The following ADGRL2 variants were observed in gnomAD, a reference collection of about 807,000 sequenced individuals.
The protein encoded by ADGRL2 is adhesion G protein-coupled receptor L2.
In ADGRL2, 44 loss-of-function variants were observed where a neutral mutation model predicts 157.4. The ratio of observed to expected loss-of-function variants is 0.28; its 90% CI spans 0.22 to 0.36. ADGRL2 has a LOEUF of 0.36. Ranked by LOEUF, ADGRL2 falls within the 10% of genes least tolerant of loss-of-function variation. The pLI is 1.00. For synonymous variants in ADGRL2, 585 were observed against 624.7 expected, an observed-to-expected ratio of 0.94 and a Z score of 0.95; for missense variants, 1,510 against 1,768.9, an observed-to-expected ratio of 0.85 and a Z score of 2.63.
intron 1 of ADGRL2, among the ~76,000 whole-genome samples, chr1:81,324,905 C>T (rs187905878): frequency 3.1e-4 from 47 of 152,036 alleles, no homozygotes; most frequent in Admixed American, 6.6e-4. Flanking sequence ...TTAGTAGAGA[C>T]GGGGTTTTAC....
chr1:81,951,520 T>A (rs1171509984), intron 8 of ADGRL2, among the ~76,000 whole-genome samples: 1 of 152,170 alleles, frequency 6.6e-6, no homozygotes, highest in Non-Finnish European at 1.5e-5. Flanking sequence ...TTAGTAACTT[T>A]AATATTGCAG....
intron 3 of ADGRL2, among the ~76,000 whole-genome samples, chr1:81,665,647 T>C (rs1194102769): frequency 1.3e-5 from 2 of 152,150 alleles, no homozygotes; most frequent in Non-Finnish European, 2.9e-5. Flanking sequence ...TATGAGAACC[T>C]CTAGATGTTA....
intron 3 of ADGRL2, among the ~76,000 whole-genome samples, chr1:81,657,009 CAA>C (rs11383698): frequency 2.7e-3 from 291 of 109,234 alleles, no homozygotes; most frequent in African/African-American, 9.4e-3. Context: ...GACCCTGTCT[CAA>C]AAAAAAAAAA....
intron 2 of ADGRL2, among the ~76,000 whole-genome samples, chr1:81,483,755 G>A (rs967445230): frequency 1.3e-5 from 2 of 152,086 alleles, no homozygotes; most frequent in East Asian, 3.9e-4. Flanking sequence ...GCTTAAACAA[G>A]GTGTTTTCAA....
At chr1:81,921,632 A>T (rs568012049) in intron 3 of ADGRL2, among the ~76,000 whole-genome samples, 102 of 152,352 alleles carry the variant, frequency 6.7e-4, no homozygotes, top group Non-Finnish European at 1.1e-3. Flanking sequence ...AACATTTTAT[A>T]GATTTTGATG....
Position 81,990,949 on chromosome 1 carries a change from C to T in ADGRL2, c.4214C>T (p.Ser1405Phe). ...ESSPDMEEDL[S>F]PSRRSENEDI... is the part of the protein sequence containing the mutation. ...AGCCCTGACATGGAAGAAGACCTCT[C>T]TCCCTCCAGGAGGAGTGAGAATGAG... is the stretch of plus-strand genomic sequence containing the variant. Residue 1405 changes from serine to phenylalanine, a missense_variant, in exon 24 of 24, where the codon TCT (serine) becomes TTT (phenylalanine). Around this residue, in one of 4 missense-constraint regions of ADGRL2, gnomAD observed 327 missense variants for 310.1 expected, o/e 1.05. Transcript: ENST00000686636. The T allele has an allele frequency of 6.2e-7, 1 of 1,614,086 alleles. No individual in the cohort carries two copies.
intron 1 of ADGRL2, among the ~76,000 whole-genome samples, chr1:81,416,246 A>G (rs545479707): frequency 1.3e-5 from 2 of 151,932 alleles, no homozygotes; most frequent in Non-Finnish European, 2.9e-5. Flanking sequence ...AAAGTGCAAT[A>G]TATTTATCCC....
At chr1:81,307,218 T>C (rs982611314) in intron 1 of ADGRL2, among the ~76,000 whole-genome samples, 4 of 152,210 alleles carry the variant, frequency 2.6e-5, no homozygotes, top group Non-Finnish European at 5.9e-5. Flanking sequence ...CTGTTTGAGA[T>C]CAATTTTTGA....
At chr1:81,604,037 C>T (rs1452390266) in intron 3 of ADGRL2, among the ~76,000 whole-genome samples, 2 of 151,048 alleles carry the variant, frequency 1.3e-5, no homozygotes, top group Non-Finnish European at 2.9e-5. Context: ...GATCTCACCT[C>T]ACTGCAACCT....
intron 3 of ADGRL2, among the ~76,000 whole-genome samples, chr1:81,591,130 C>T (rs1035883281): frequency 3.2e-4 from 49 of 152,182 alleles, no homozygotes; most frequent in African/African-American, 1.1e-3. Context: ...TGAGGATTGT[C>T]TTATAAGGCA....
chr1:81,826,425 C>G (rs542577251), intron 1 of ADGRL2, among the ~76,000 whole-genome samples: 1 of 94,246 alleles, frequency 1.1e-5, no homozygotes, highest in African/African-American at 5.5e-5. Flanking sequence ...GCACTTTAAT[C>G]CCCTAGAATG....
chr1:81,640,045 T>C lies in ADGRL2; in HGVS notation c.-143+59065T>C, dbSNP rs376384281. ...TGGGGACTCTGGCTAAGGAACATAT[T>C]TCAAACTCTTGGTATTATCCTCCTG... On this transcript the variant is annotated intron_variant, in intron 3 of 24. Coordinates refer to the ADGRL2 transcript ENST00000370721. Among the ~76,000 whole-genome samples the C allele has an allele frequency of 2.3e-4, 35 of 152,292 alleles. No individual in the cohort carries two copies. The South Asian group carries it at 5.2e-3, about 23-fold the overall frequency.
chr1:81,824,157 C>G (rs545151883), intron 1 of ADGRL2, among the ~76,000 whole-genome samples: 1 of 152,088 alleles, frequency 6.6e-6, no homozygotes, highest in Non-Finnish European at 1.5e-5. Context: ...GTATTACTTG[C>G]AGTTTAAGCC....
At chr1:81,895,129 G>C (rs2094354145) in intron 2 of ADGRL2, among the ~76,000 whole-genome samples, 1 of 152,098 alleles carries the variant, frequency 6.6e-6, no homozygotes, top group Non-Finnish European at 1.5e-5. Context: ...GGTCACCTTT[G>C]GATTAGTCTT....
intron 1 of ADGRL2, among the ~76,000 whole-genome samples, chr1:81,828,730 TACTCCATGTTTG>T (rs918319014): frequency 6.6e-6 from 1 of 152,198 alleles, no homozygotes; most frequent in Non-Finnish European, 1.5e-5. Context: ...ATACCTCTCC[TACTCCATGTTTG>T]AGTAGTTAAG....
intron 2 of ADGRL2, among the ~76,000 whole-genome samples, chr1:81,570,977 A>G (rs964839793): frequency 6.6e-6 from 1 of 152,110 alleles, no homozygotes; most frequent in African/African-American, 2.4e-5. Context: ...GTCATAAACA[A>G]TATTAAGTGA....
chr1:81,557,401 CAGAAAGAGAGAGAG>C (rs1557458441), intron 2 of ADGRL2: 2 of 147,142 alleles, frequency 1.4e-5, no homozygotes, highest in Non-Finnish European at 3.0e-5. Flanking sequence ...GCAAGACAGA[CAGAAAGAGAGAGAG>C]AGAAAGAGAG....
chr1:81,380,855 A>G (rs2076332422), intron 1 of ADGRL2, among the ~76,000 whole-genome samples: 1 of 142,580 alleles, frequency 7.0e-6, no homozygotes, highest in South Asian at 2.2e-4. Flanking sequence ...GAATGGTAGG[A>G]AAAAAAAATT....
chr1:81,538,015 C>T (rs909513323), intron 2 of ADGRL2, among the ~76,000 whole-genome samples: 2 of 152,016 alleles, frequency 1.3e-5, no homozygotes, highest in Admixed American at 6.6e-5. Context: ...TCCTTGATTA[C>T]AGGAAAAGAT....
Sources: gnomAD v4.1 joint callset for allele counts (sites outside exome capture counted in the v4.1 genomes callset) on GRCh38, gnomAD v4.1.1 for gene constraint, gnomAD v4.1.1 regional missense constraint, MANE v1.5 for transcripts, NCBI Gene and HGNC (gene_info 2026-07-23, HGNC 2026-07-21) for gene names.